UHMK1: variants seen among roughly 807,000 people sequenced by gnomAD.
The protein encoded by UHMK1 is U2AF homology motif kinase 1.
A neutral mutation model predicts 44.0 loss-of-function variants in UHMK1; 18 were observed. The ratio of observed to expected loss-of-function variants is 0.41; its 90% CI spans 0.28 to 0.61. The LOEUF is 0.61. Among genes scored for constraint, UHMK1 ranks in the 20% least tolerant of loss-of-function variants. The pLI is 0.31. For synonymous variants in UHMK1, 231 were observed against 198.5 expected, an observed-to-expected ratio of 1.16 and a Z score of -1.38; for missense variants, 463 against 522.5, an observed-to-expected ratio of 0.89 and a Z score of 1.11.
At chr1:162,510,183 A>G (rs1032633108) in intron 4 of UHMK1, among the ~76,000 whole-genome samples, 1 of 152,202 alleles carries the variant, frequency 6.6e-6, no homozygotes, top group African/African-American at 2.4e-5. Context: ...TAATGAACAA[A>G]TGCATTATTT....
intron 4 of UHMK1, among the ~76,000 whole-genome samples, chr1:162,508,032 C>G (rs1651540290): frequency 6.6e-6 from 1 of 151,860 alleles, no homozygotes; most frequent in Non-Finnish European, 1.5e-5. Flanking sequence ...AGTTCTATTA[C>G]CTTATTTTTG....
intron 7 of UHMK1, 52 bp downstream of exon 7, chr1:162,518,242 G>A: frequency 7.3e-7 from 1 of 1,375,402 alleles, no homozygotes; most frequent in Non-Finnish European, 1.0e-6. Context: ...TTAAAATTCT[G>A]TGTTAAATGT....
At position 162,526,255 on chromosome 1, in the gene UHMK1, C is replaced by G. The variant is rs1401289239; in HGVS notation, c.*3705C>G. On this transcript the variant is annotated 3_prime_UTR_variant, in exon 8 of 8. Transcript: ENST00000489294. ...CTATCTTACACATAAGTTCTACTAT[C>G]AGTATACTTGGCAGCATGACTTTTT... 3 of 148,410 alleles carry G rather than the reference C, an allele frequency of 2.0e-5. No homozygotes were observed. The highest frequency in any genetic ancestry group is 4.4e-5 in the Non-Finnish European group (3 of 67,526). The allele number at this position is 148,410 out of a possible 1,614,324, so 9.2% of individuals were successfully genotyped here. A position where few individuals can be genotyped will look rare whatever the true frequency, so the allele number is the denominator to read the frequency against.
chr1:162,516,060 C>G (rs1265792117), intron 6 of UHMK1, among the ~76,000 whole-genome samples: 1 of 151,962 alleles, frequency 6.6e-6, no homozygotes, highest in Non-Finnish European at 1.5e-5. Context: ...AAAACTGAAG[C>G]TTGGCCTGTT....
At chr1:162,511,636 CT>C (rs1356426391) in intron 4 of UHMK1, among the ~76,000 whole-genome samples, 19 of 152,088 alleles carry the variant, frequency 1.2e-4, no homozygotes, top group Admixed American at 1.2e-3. Flanking sequence ...GTTTTTGTTG[CT>C]TGTGCTGTTG....
At chr1:162,508,571 A>G (rs1557942601) in intron 4 of UHMK1, among the ~76,000 whole-genome samples, 1 of 151,864 alleles carries the variant, frequency 6.6e-6, no homozygotes. Flanking sequence ...GCCTAGCAGC[A>G]TCTGCCTGTA....
chr1:162,501,449 T>C (rs1031820728), intron 3 of UHMK1, among the ~76,000 whole-genome samples: 9 of 152,190 alleles, frequency 5.9e-5, no homozygotes, highest in African/African-American at 1.9e-4. Flanking sequence ...ATTACAGGCA[T>C]GAGCCACCGC....
chr1:162,529,021 T>C lies in UHMK1; in HGVS notation c.*6471T>C, dbSNP rs1652351080. The C allele has an allele frequency of 6.6e-6, 1 of 152,164 alleles. No homozygotes were observed. The highest frequency in any genetic ancestry group is 2.1e-4 in the South Asian group (1 of 4,834). 9.4% of individuals were successfully genotyped at this position (152,164 alleles called of 1,614,324 possible). A position where few individuals can be genotyped will look rare whatever the true frequency, so the allele number is the denominator to read the frequency against. ...TAACATGTAATTGCTACATTTTTTATAAGAAGGTATGGTTAGAAAAAAATG... is the reference window on the plus strand; with the variant it reads ...TAACATGTAATTGCTACATTTTTTACAAGAAGGTATGGTTAGAAAAAAATG... On this transcript the variant is annotated 3_prime_UTR_variant, in exon 8 of 8. Transcript: ENST00000489294.
intron 6 of UHMK1, among the ~76,000 whole-genome samples, chr1:162,514,936 A>G (rs866209072): frequency 1.3e-5 from 2 of 152,132 alleles, no homozygotes; most frequent in Non-Finnish European, 2.9e-5. Context: ...ATAGTAACCA[A>G]ATGTTTTCTG....
Position 162,497,982 on chromosome 1 carries a change from G to C in UHMK1, c.-19G>C. 1 of 1,507,090 alleles carries C rather than the reference G, an allele frequency of 6.6e-7. No homozygotes were observed. Among genetic ancestry groups the C allele is most frequent in the Non-Finnish European group, 8.9e-7 (1 of 1,128,320 alleles). The allele number at this position is 1,507,090 out of a possible 1,614,324, so 93.4% of individuals were successfully genotyped here. A position where few individuals can be genotyped will look rare whatever the true frequency, so the allele number is the denominator to read the frequency against. ...AGGCGTCGCGTCAGCTCCCGTGTCC[G>C]TGCCCTTAACCCACACCGATGGCGG... is the stretch of plus-strand genomic sequence containing the variant. On this transcript the variant is annotated 5_prime_UTR_variant, in exon 1 of 8. Transcript: ENST00000489294.
chr1:162,499,022 G>C (rs971633713), intron 1 of UHMK1, among the ~76,000 whole-genome samples: 2 of 152,000 alleles, frequency 1.3e-5, no homozygotes, highest in African/African-American at 4.8e-5. Context: ...CATTTTTTTA[G>C]TTTACTAAAT....
rs557701363 is a variant in UHMK1 at position 162,515,833 on chromosome 1, G to A, written c.1025-2269G>A. On this transcript the variant is annotated intron_variant, in intron 6 of 7. Transcript: ENST00000489294. ...ATGGATCACGAGGTCAGGAGATCGA[G>A]ACCATCCTGGTTAACATGGTGAAAC... Among the ~76,000 whole-genome samples, 12 of 152,094 alleles carry A rather than the reference G, an allele frequency of 7.9e-5. No individual in the cohort carries two copies. In the East Asian group the frequency reaches 2.1e-3, roughly 27 times the overall value.
chr1:162,503,927 T>TTTA, intron 4 of UHMK1, 79 bp downstream of exon 4: 1 of 1,042,522 alleles, frequency 9.6e-7, no homozygotes, highest in African/African-American at 1.6e-5. Context: ...TCTGAACAGA[T>TTTA]TTATATTATT....
intron 6 of UHMK1, among the ~76,000 whole-genome samples, chr1:162,513,357 C>G (rs1227302812): frequency 6.6e-6 from 1 of 152,186 alleles, no homozygotes; most frequent in East Asian, 1.9e-4. Flanking sequence ...CTCTTCTAGC[C>G]TTTCCCTATG....
At chr1:162,522,279 C>G (rs1008756485) in intron 7 of UHMK1, 125 bp from the exon 8 acceptor site, 1 of 1,110,040 alleles carries the variant, frequency 9.0e-7, no homozygotes, top group South Asian at 1.6e-5. Flanking sequence ...CATCTCAGAC[C>G]TAAGGAAGCA....
chr1:162,497,323 C>G, upstream of UHMK1: 1 of 702,200 alleles, frequency 1.4e-6, no homozygotes, highest in Non-Finnish European at 2.6e-6. Flanking sequence ...ACCCCCACTT[C>G]CCGTCATGGA....
rs1357929701 is a variant in UHMK1, at chr1:162,527,401, CAG to C, written c.*4856_*4857del. ...GACTGTAAGAGAAATATCTATAAATCAGAGAGTATTTAGGAAACTTTGTATTT... is the reference window on the plus strand; with the variant it reads ...GACTGTAAGAGAAATATCTATAAATCAGAGTATTTAGGAAACTTTGTATTT... On this transcript the variant is annotated 3_prime_UTR_variant, in exon 8 of 8. Coordinates refer to ENST00000489294, the MANE Select transcript of UHMK1 (RefSeq NM_175866.5). 5.9e-5 allele frequency: 9 copies of C among 151,980 alleles called. No individual in the cohort carries two copies. Among genetic ancestry groups the C allele is most frequent in the Non-Finnish European group, 1.0e-4 (7 of 67,936 alleles). 9.4% of individuals were successfully genotyped at this position (151,980 alleles called of 1,614,324 possible). A position where few individuals can be genotyped will look rare whatever the true frequency, so the allele number is the denominator to read the frequency against.
intron 6 of UHMK1, among the ~76,000 whole-genome samples, chr1:162,513,605 G>A (rs766746988): frequency 7.2e-5 from 11 of 152,180 alleles, no homozygotes; most frequent in Admixed American, 4.6e-4. Flanking sequence ...CTCTACAGAC[G>A]TTATATCTGA....
Position 162,499,826 on chromosome 1 carries a change from A to G in UHMK1, c.269-129A>G, listed in dbSNP as rs1571002558. On this transcript the variant is annotated intron_variant, in intron 1 of 7. Coordinates refer to ENST00000489294, the MANE Select transcript of UHMK1 (RefSeq NM_175866.5). Reference sequence around the variant, plus strand: ...AAGATCTTATTCATGGGAAAAATAAATTACAGTGGAAGCTTGCTCATCAAA... The same window carrying G: ...AAGATCTTATTCATGGGAAAAATAAGTTACAGTGGAAGCTTGCTCATCAAA... 4.8e-6 allele frequency: 4 copies of G among 828,210 alleles called. No homozygotes were observed. In the East Asian group the frequency reaches 1.1e-4, roughly 22 times the overall value. 51.3% of individuals were successfully genotyped at this position (828,210 alleles called of 1,614,324 possible).
Sources: allele counts gnomAD v4.1 joint callset (sites outside exome capture counted in the v4.1 genomes callset), GRCh38; gene constraint gnomAD v4.1.1; transcripts MANE v1.5; gene names NCBI Gene and HGNC (gene_info 2026-07-23, HGNC 2026-07-21).